The following TMEFF2 variants were observed in gnomAD, a reference collection of about 807,000 sequenced individuals.
The protein encoded by TMEFF2 is tomoregulin-2.
Under a neutral mutation model 53.8 loss-of-function variants are expected in TMEFF2, and 28 were observed. The observed-to-expected ratio is 0.52, with a 90% CI of 0.39 to 0.71. TMEFF2 has a LOEUF of 0.71. Among genes scored for constraint, TMEFF2 ranks in the 30% least tolerant of loss-of-function variants. The probability of loss-of-function intolerance (pLI) is 0.00; values close to 1 mark genes in which losing one functional copy is unlikely to be tolerated. For synonymous variants in TMEFF2, 162 were observed against 166.3 expected (o/e 0.97, Z 0.20); for missense variants, 353 against 455.2 (o/e 0.78, Z 2.04).
intron 4 of TMEFF2, chr2:192,178,325 G>A (rs1691100763): frequency 1.3e-5 from 2 of 148,622 alleles, no homozygotes; most frequent in Non-Finnish European, 3.0e-5. Context: ...TTTTCTTTAA[G>A]ATTTAATATG....
At chr2:192,134,400 G>A (rs987673203) in intron 4 of TMEFF2, among the ~76,000 whole-genome samples, 78 of 152,186 alleles carry the variant, frequency 5.1e-4, no homozygotes, top group African/African-American at 1.9e-3. Flanking sequence ...ATTTATTGAT[G>A]GCAGTTCCAC....
chr2:192,194,301 C>T lies in TMEFF2; in HGVS notation c.172+52G>A. The T allele has an allele frequency of 5.0e-6, 8 of 1,601,976 alleles. No individual in the cohort carries two copies. The highest frequency in any genetic ancestry group is 6.8e-6 in the Non-Finnish European group (8 of 1,172,338). On this transcript the variant is annotated intron_variant, in intron 1 of 9. Coordinates refer to ENST00000272771, the MANE Select transcript of TMEFF2 (RefSeq NM_016192.4). The surrounding 1 kb of genome is among the most constrained non-coding windows in gnomAD (Gnocchi z 4.2). ...AGGGTAGGCTGGTCTGTGCTGGATA[C>T]GCGTGTTCTTCTGCGGAGTTAAAGG... is the stretch of plus-strand genomic sequence containing the variant.
At chr2:191,980,243 T>C (rs1290227237) in intron 7 of TMEFF2, among the ~76,000 whole-genome samples, 1 of 152,124 alleles carries the variant, frequency 6.6e-6, no homozygotes, top group African/African-American at 2.4e-5. Flanking sequence ...TAATACACTA[T>C]TGGCAGAGAG....
intron 7 of TMEFF2, among the ~76,000 whole-genome samples, chr2:191,977,615 G>T (rs1685764040): frequency 6.7e-6 from 1 of 150,044 alleles, no homozygotes; most frequent in African/African-American, 2.5e-5. Context: ...TGAAATCTTA[G>T]AAATGGATTT....
chr2:191,988,888 T>C (rs1360632797), intron 7 of TMEFF2, among the ~76,000 whole-genome samples: 1 of 152,192 alleles, frequency 6.6e-6, no homozygotes, highest in African/African-American at 2.4e-5. Flanking sequence ...TCAATAACTC[T>C]GCAGAAATGC....
At chr2:192,104,913 T>C (rs1404710458) in intron 4 of TMEFF2, among the ~76,000 whole-genome samples, 2 of 152,064 alleles carry the variant, frequency 1.3e-5, no homozygotes, top group Admixed American at 6.6e-5. Flanking sequence ...TTACCTGTCT[T>C]ATTTCTTTAA....
intron 5 of TMEFF2, chr2:192,029,202 A>T (rs1687054200): frequency 6.6e-6 from 1 of 152,140 alleles, no homozygotes; most frequent in Admixed American, 6.6e-5. Context: ...TTTTGTCAAG[A>T]CACCTTGGCC....
At chr2:192,139,120 T>G (rs1476466865) in intron 4 of TMEFF2, among the ~76,000 whole-genome samples, 1 of 152,072 alleles carries the variant, frequency 6.6e-6, no homozygotes, top group Non-Finnish European at 1.5e-5. Flanking sequence ...ATAACCAAGG[T>G]TGAATACAAA....
intron 5 of TMEFF2, among the ~76,000 whole-genome samples, chr2:192,010,040 A>G (rs1472466853): frequency 6.6e-6 from 1 of 152,200 alleles, no homozygotes; most frequent in East Asian, 1.9e-4. Flanking sequence ...GTGCATGGAG[A>G]CATTCCACTG....
intron 7 of TMEFF2, among the ~76,000 whole-genome samples, chr2:191,995,061 C>A (rs1686191151): frequency 6.6e-6 from 1 of 151,932 alleles, no homozygotes; most frequent in African/African-American, 2.4e-5. Flanking sequence ...CATCTCTGAG[C>A]AAGTATGCCA....
intron 7 of TMEFF2, among the ~76,000 whole-genome samples, chr2:191,983,500 G>A (rs1685904715): frequency 6.6e-6 from 1 of 151,428 alleles, no homozygotes; most frequent in African/African-American, 2.4e-5. Context: ...TCACCTAAAA[G>A]CACCATATGC....
intron 4 of TMEFF2, among the ~76,000 whole-genome samples, chr2:192,059,267 TAA>T (rs201413983): frequency 9.2e-5 from 13 of 141,540 alleles, no homozygotes; most frequent in African/African-American, 1.3e-4. Flanking sequence ...TTGGATGTCT[TAA>T]AAAAAAAAAA....
At position 191,992,284 on chromosome 2, in the gene TMEFF2, G is replaced by T. The variant is rs77280987; in HGVS notation, c.745+5978C>A. Among the ~76,000 whole-genome samples, 846 of 152,188 alleles carry T rather than the reference G, an allele frequency of 5.6e-3. 14 individuals are homozygous for T. The highest frequency in any genetic ancestry group is 0.019 in the African/African-American group (795 of 41,542). On this transcript the variant is annotated intron_variant, in intron 7 of 9. Transcript: ENST00000272771. ...CAGACAAAACGTGGTTTCTGGTGAA[G>T]TGCTCCTTGTGTTCACGAGCAAATG...
chr2:191,949,057 C>T lies in TMEFF2; in HGVS notation c.*1254G>A. 1.0e-6 allele frequency: 1 copy of T among 983,920 alleles called. No homozygotes were observed. Among genetic ancestry groups the T allele is most frequent in the South Asian group, 4.7e-5 (1 of 21,250 alleles). The allele number at this position is 983,920 out of a possible 1,614,324, so 60.9% of individuals were successfully genotyped here. A position where few individuals can be genotyped will look rare whatever the true frequency, so the allele number is the denominator to read the frequency against. On this transcript the variant is annotated 3_prime_UTR_variant, in exon 10 of 10. Coordinates refer to ENST00000272771, the MANE Select transcript of TMEFF2 (RefSeq NM_016192.4). ...CCACGCACAGGTTATTTGAAGGAGA[C>T]AAAGAGAGCTTTATTTAAATTTACT...
chr2:192,049,307 G>A (rs1341398912), intron 5 of TMEFF2, among the ~76,000 whole-genome samples: 2 of 152,156 alleles, frequency 1.3e-5, no homozygotes, highest in Admixed American at 1.3e-4. Context: ...TGGGAAGTTT[G>A]ATTAACCTGT....
intron 1 of TMEFF2, among the ~76,000 whole-genome samples, chr2:192,193,290 T>A (rs1365835943): frequency 6.6e-6 from 1 of 152,196 alleles, no homozygotes; most frequent in Non-Finnish European, 1.5e-5. Flanking sequence ...CCCAGGCATG[T>A]TAACGGAGTT....
chr2:191,960,945 T>C (rs1034228049), intron 7 of TMEFF2, among the ~76,000 whole-genome samples: 1 of 152,214 alleles, frequency 6.6e-6, no homozygotes, highest in South Asian at 2.1e-4. Context: ...TCTAAGTTCA[T>C]TGAATTCTGA....
chr2:192,057,630 A>AT, intron 5 of TMEFF2, 49 bp downstream of exon 5: 1 of 1,482,796 alleles, frequency 6.7e-7, no homozygotes, highest in Non-Finnish European at 9.4e-7. Context: ...TTAAAAAGAA[A>AT]TTAATCACTG....
At chr2:192,169,481 G>C (rs1449325902) in intron 4 of TMEFF2, among the ~76,000 whole-genome samples, 1 of 152,092 alleles carries the variant, frequency 6.6e-6, no homozygotes, top group Non-Finnish European at 1.5e-5. Context: ...GGTGGTCTTT[G>C]TATCTCCTGT....
Sources: gnomAD v4.1 joint callset for allele counts (sites outside exome capture counted in the v4.1 genomes callset) on GRCh38, gnomAD v4.1.1 for gene constraint, Gnocchi (gnomAD v3.1) non-coding constraint, MANE v1.5 for transcripts, NCBI Gene and HGNC (gene_info 2026-07-23, HGNC 2026-07-21) for gene names.